PRDM5: variants seen among roughly 807,000 people sequenced by gnomAD.
The protein encoded by PRDM5 is PR/SET domain 5, also known as PR domain zinc finger protein 5.
In PRDM5, 56 loss-of-function variants were observed where a neutral mutation model predicts 81.2. That is an observed-to-expected ratio of 0.69 (90% confidence interval 0.56 to 0.86). PRDM5 has a LOEUF of 0.86. PRDM5 is among the 40% of genes least tolerant of loss of function. The probability of loss-of-function intolerance (pLI) is 0.00; values close to 1 mark genes in which losing one functional copy is unlikely to be tolerated. For missense variants in PRDM5, 697 were observed against 770.1 expected (o/e 0.91, Z 1.12); for synonymous variants, 267 against 256.4 (o/e 1.04, Z -0.39).
chr4:120,801,432 A>G (rs954863446), intron 8 of PRDM5, among the ~76,000 whole-genome samples: 2 of 152,256 alleles, frequency 1.3e-5, no homozygotes, highest in Non-Finnish European at 2.9e-5. Context: ...TCAATGCCCA[A>G]GCACGTGGCA....
At chr4:120,909,470 T>C (rs1241454570) in intron 1 of PRDM5, among the ~76,000 whole-genome samples, 4 of 152,232 alleles carry the variant, frequency 2.6e-5, no homozygotes, top group Non-Finnish European at 5.9e-5. Flanking sequence ...GGGTTAAATA[T>C]GAATGAATGT....
At chr4:120,836,210 C>T (rs1354891098) in intron 3 of PRDM5, among the ~76,000 whole-genome samples, 2 of 152,018 alleles carry the variant, frequency 1.3e-5, no homozygotes, top group South Asian at 2.1e-4. Flanking sequence ...GGATATTTCT[C>T]TATTTTAGGA....
intron 14 of PRDM5, among the ~76,000 whole-genome samples, chr4:120,731,269 CA>C (rs1740207987): frequency 6.6e-6 from 1 of 151,482 alleles, no homozygotes; most frequent in South Asian, 2.1e-4. Context: ...CAATGTACAA[CA>C]AGTGATGATA....
chr4:120,842,008 A>T (rs1208122631), intron 3 of PRDM5, among the ~76,000 whole-genome samples: 1 of 152,198 alleles, frequency 6.6e-6, no homozygotes, highest in Non-Finnish European at 1.5e-5. Context: ...CTTCATAGTA[A>T]ATACTTCTTT....
intron 15 of PRDM5, among the ~76,000 whole-genome samples, chr4:120,707,264 C>A (rs1223341285): frequency 6.6e-6 from 1 of 151,586 alleles, no homozygotes; most frequent in African/African-American, 2.4e-5. Flanking sequence ...AGGACTGCAA[C>A]AGTGGTTCGA....
chr4:120,781,114 G>A, intron 12 of PRDM5, 29 bp downstream of exon 12: 1 of 1,593,606 alleles, frequency 6.3e-7, no homozygotes, highest in South Asian at 1.1e-5. Context: ...CACGTAATCT[G>A]TTCAAACTAA....
At chr4:120,758,267 A>G (rs1745078359) in intron 13 of PRDM5, among the ~76,000 whole-genome samples, 2 of 152,128 alleles carry the variant, frequency 1.3e-5, no homozygotes, top group Admixed American at 6.5e-5. Flanking sequence ...GGAGAACCCT[A>G]ATACAATATT....
intron 3 of PRDM5, among the ~76,000 whole-genome samples, chr4:120,844,103 C>T: frequency 6.6e-6 from 1 of 152,088 alleles, no homozygotes; most frequent in Admixed American, 6.6e-5. Context: ...AGCAGGTTGT[C>T]TCTTGAGTAG....
chr4:120,710,643 T>A (rs2149029853), intron 14 of PRDM5, among the ~76,000 whole-genome samples: 1 of 152,308 alleles, frequency 6.6e-6, no homozygotes, highest in South Asian at 2.1e-4. Context: ...TGGGGCTGGT[T>A]ACCCCCATGC....
At chr4:120,919,181 T>C (rs1392822153) in intron 1 of PRDM5, among the ~76,000 whole-genome samples, 1 of 152,208 alleles carries the variant, frequency 6.6e-6, no homozygotes, top group East Asian at 1.9e-4. Flanking sequence ...TACTCTTTAA[T>C]GCCTCATCCT....
chr4:120,792,146 T>A (rs2149266543), intron 10 of PRDM5, among the ~76,000 whole-genome samples: 2 of 152,340 alleles, frequency 1.3e-5, no homozygotes, highest in East Asian at 3.9e-4. Context: ...GGCATTATAA[T>A]AAAGATAAAA....
chr4:120,827,307 G>C (rs1756134312), intron 3 of PRDM5, among the ~76,000 whole-genome samples: 1 of 152,062 alleles, frequency 6.6e-6, no homozygotes, highest in African/African-American at 2.4e-5. Context: ...AAATATGATG[G>C]TTGTCATGGT....
chr4:120,809,007 G>A (rs907509484), intron 8 of PRDM5, among the ~76,000 whole-genome samples: 5 of 152,244 alleles, frequency 3.3e-5, no homozygotes, highest in African/African-American at 1.2e-4. Flanking sequence ...CCCAGAAGGG[G>A]GCTCCCACAG....
At chr4:120,802,313 C>G (rs1273557198) in intron 8 of PRDM5, among the ~76,000 whole-genome samples, 1 of 152,216 alleles carries the variant, frequency 6.6e-6, no homozygotes, top group Non-Finnish European at 1.5e-5. Context: ...CAGTCCACAG[C>G]TCCCAGTGTG....
chr4:120,721,203 T>C (rs1375259943), intron 14 of PRDM5, among the ~76,000 whole-genome samples: 2 of 152,232 alleles, frequency 1.3e-5, no homozygotes, highest in Non-Finnish European at 2.9e-5. Context: ...CTAGTCCATT[T>C]GGAATCGTGA....
chr4:120,754,372 T>A (rs944171840), intron 14 of PRDM5, among the ~76,000 whole-genome samples, 181 bp downstream of exon 14: 3 of 152,184 alleles, frequency 2.0e-5, no homozygotes, highest in Non-Finnish European at 2.9e-5. Context: ...TTTGTGTTTT[T>A]TTTCTTCTTT....
rs756164543 is a variant in PRDM5 at position 120,818,386 on chromosome 4, T to C, written c.617A>G (p.Lys206Arg). ...EKEFKCKNCG[K>R]KFPVKQALQR... ...CAAAGCCTGCTTAACTGGGAATTTC[T>C]TCCCACAGTTCTTGCACTTAAATTC... Residue 206 changes from lysine (K) to arginine (R), a missense_variant, in exon 5 of 16, where the codon AAG (lysine) becomes AGG (arginine). Lys to Arg is a conservative substitution (Grantham distance 26). Around this residue, in one of 3 missense-constraint regions of PRDM5, gnomAD observed 577 missense variants for 606.7 expected, o/e 0.95. Coordinates refer to ENST00000264808, the MANE Select transcript of PRDM5 (RefSeq NM_018699.4). 6.2e-7 allele frequency: 1 copy of C among 1,614,094 alleles called. No homozygotes were observed.
chr4:120,734,569 A>T (rs1740820171), intron 14 of PRDM5, among the ~76,000 whole-genome samples: 1 of 152,204 alleles, frequency 6.6e-6, no homozygotes, highest in Non-Finnish European at 1.5e-5. Context: ...AAACTGCAAG[A>T]TTCAGACAGA....
rs1751872544 is a variant in PRDM5 at position 120,799,864 on chromosome 4, C to T, written c.946-119G>A. ...ACTGCAATACCCAAACTATATATTA[C>T]AATTCAGCCCTAATTTGTTCACACT... On this transcript the variant is annotated intron_variant, in intron 8 of 15. Transcript: ENST00000264808. 5.4e-6 allele frequency: 8 copies of T among 1,485,582 alleles called. No homozygotes were observed. The African/African-American group carries it at 7.0e-5, about 13-fold the overall frequency. 92.0% of individuals were successfully genotyped at this position (1,485,582 alleles called of 1,614,324 possible).
Sources: gnomAD v4.1 joint callset for allele counts (sites outside exome capture counted in the v4.1 genomes callset) on GRCh38, gnomAD v4.1.1 for gene constraint, gnomAD v4.1.1 regional missense constraint, MANE v1.5 for transcripts, NCBI Gene and HGNC (gene_info 2026-07-23, HGNC 2026-07-21) for gene names.